Variants in ADSL observed in about 807,000 individuals in gnomAD.
ADSL encodes the protein adenylosuccinate lyase, also known as adenylosuccinase.
Under a neutral mutation model 62.1 loss-of-function variants are expected in ADSL, and 44 were observed. The observed-to-expected ratio is 0.71, with a 90% confidence interval of 0.56 to 0.91. The LOEUF (loss-of-function observed/expected upper bound fraction) is 0.91, where lower values mean the gene tolerates loss of function less well. ADSL is among the 40% of genes least tolerant of loss of function. ADSL has a pLI of 0.00. For missense variants in ADSL, 531 were observed against 627.4 expected (o/e 0.85, Z 1.64); for synonymous variants, 198 against 220.5 (o/e 0.90, Z 0.90).
At chr22:40,359,362 C>T in intron 6 of ADSL, 56 bp downstream of exon 6, 3 of 1,541,450 alleles carry the variant, frequency 1.9e-6, no homozygotes, top group African/African-American at 2.7e-5. Context: ...GTCCTATATT[C>T]AGTATACCTG....
chr22:40,356,506 G>A (rs2044564466), intron 4 of ADSL, among the ~76,000 whole-genome samples: 1 of 150,000 alleles, frequency 6.7e-6, no homozygotes, highest in African/African-American at 2.5e-5. Flanking sequence ...CTGCACTCCA[G>A]CCTGGGCGAC....
chr22:40,354,847 T>A (rs1289330483), intron 4 of ADSL, among the ~76,000 whole-genome samples: 5 of 147,128 alleles, frequency 3.4e-5, no homozygotes, highest in Non-Finnish European at 7.4e-5. Context: ...CCAGTTTGGG[T>A]GACAGAGCAA....
At chr22:40,358,164 G>T (rs1278861842) in intron 4 of ADSL, among the ~76,000 whole-genome samples, 1 of 152,144 alleles carries the variant, frequency 6.6e-6, no homozygotes, top group Non-Finnish European at 1.5e-5. Context: ...ATTCCTTGTT[G>T]TATTTCCAAT....
chr22:40,352,601 C>T lies in ADSL; in HGVS notation c.358-472C>T, dbSNP rs2044392324. ...ATGGAAGCTTCTCAGAAGCTCAAGC[C>T]CTCCTCTCTGGGAAAATAGAAACCT... is the stretch of plus-strand genomic sequence containing the variant. On this transcript the variant is annotated intron_variant, in intron 2 of 12. Coordinates refer to ENST00000623063, the MANE Select transcript of ADSL (RefSeq NM_000026.4). Among the ~76,000 whole-genome samples, 6 of 152,244 alleles carry T rather than the reference C, an allele frequency of 3.9e-5. No individual in the cohort carries two copies. The South Asian group carries it at 1.0e-3, about 26-fold the overall frequency.
chr22:40,373,834 TC>T (rs1249868167), downstream of ADSL, among the ~76,000 whole-genome samples: 2 of 152,200 alleles, frequency 1.3e-5, no homozygotes, highest in African/African-American at 4.8e-5. Context: ...CAGGATGGTC[TC>T]CATCTCTTGA....
intron 2 of ADSL, among the ~76,000 whole-genome samples, chr22:40,381,272 C>T (rs1443306311): frequency 1.3e-5 from 2 of 152,020 alleles, no homozygotes; most frequent in East Asian, 1.9e-4. Context: ...CTGAGCCTCC[C>T]AAGTAGCTGG....
chr22:40,357,678 G>C (rs2044617503), intron 4 of ADSL, among the ~76,000 whole-genome samples: 1 of 152,118 alleles, frequency 6.6e-6, no homozygotes, highest in Non-Finnish European at 1.5e-5. Flanking sequence ...TCCTCACAAA[G>C]GCTTTCCTCT....
intron 4 of ADSL, among the ~76,000 whole-genome samples, chr22:40,356,551 A>G (rs1601574072): frequency 6.6e-6 from 1 of 151,096 alleles, no homozygotes; most frequent in Admixed American, 6.6e-5. Flanking sequence ...AAAAAAAAAA[A>G]GAAAGAAATT....
chr22:40,350,064 AC>A (rs1569087042), intron 2 of ADSL, 29 bp downstream of exon 2: 1 of 1,589,798 alleles, frequency 6.3e-7, no homozygotes, highest in African/African-American at 1.3e-5. Flanking sequence ...TATACTTAAA[AC>A]TCAGTCTCTA....
chr22:40,351,057 C>T (rs1381560787), intron 2 of ADSL, among the ~76,000 whole-genome samples: 1 of 152,094 alleles, frequency 6.6e-6, no homozygotes, highest in Non-Finnish European at 1.5e-5. Context: ...TGCAGTGACA[C>T]GAACATGGCT....
intron 2 of ADSL, chr22:40,350,346 T>TC: frequency 9.4e-6 from 3 of 320,460 alleles, no homozygotes; most frequent in South Asian, 8.6e-5. Context: ...CAGGATGGTC[T>TC]CTATCTCCTG....
intron 10 of ADSL, among the ~76,000 whole-genome samples, chr22:40,363,604 C>T (rs1287846291): frequency 2.6e-5 from 4 of 151,894 alleles, no homozygotes; most frequent in South Asian, 2.1e-4. Flanking sequence ...GGCGTGTTGG[C>T]GGGTGCCTGT....
In ADSL at chr22:40,366,490, G is replaced by C; in HGVS notation, c.1423G>C (p.Val475Leu). ...VYPLLKPYES[V>L]MKVKAELCL ...TCCCCTGTTAAAACCATATGAAAGC[G>C]TGATGAAGGTGAAAGCAGAATTATG... The change falls in exon 13 of 13, where the codon GTG becomes CTG. Residue 475 changes from valine (V) to leucine (L), a missense_variant. Physicochemically the swap from Val to Leu is conservative, Grantham distance 32. This residue lies in a region of ADSL where 471 missense variants were observed against 592.9 expected (regional missense o/e 0.79). Coordinates refer to ENST00000623063, the MANE Select transcript of ADSL (RefSeq NM_000026.4). The C allele has an allele frequency of 6.2e-7, 1 of 1,613,244 alleles. No individual in the cohort carries two copies. The highest frequency in any genetic ancestry group is 2.2e-5 in the East Asian group (1 of 44,866).
chr22:40,355,032 A>T (rs182083226), intron 4 of ADSL, among the ~76,000 whole-genome samples: 1 of 152,326 alleles, frequency 6.6e-6, no homozygotes, highest in East Asian at 1.9e-4. Context: ...TAACAAAGAC[A>T]GTTTATAAAT....
At chr22:40,353,199 A>C (rs888034750) in intron 3 of ADSL, 82 bp downstream of exon 3, 7 of 1,135,570 alleles carry the variant, frequency 6.2e-6, no homozygotes, top group South Asian at 3.7e-5. Context: ...AAATCAACAC[A>C]GTGTAAATTT....
chr22:40,360,772 G>A (rs1049669139), intron 7 of ADSL, among the ~76,000 whole-genome samples: 5 of 151,478 alleles, frequency 3.3e-5, no homozygotes, highest in Admixed American at 6.6e-5. Context: ...GCCCAGGCTG[G>A]AGTGCAATGG....
intron 2 of ADSL, among the ~76,000 whole-genome samples, chr22:40,385,506 T>C (rs2048275133): frequency 6.6e-6 from 1 of 151,956 alleles, no homozygotes; most frequent in Non-Finnish European, 1.5e-5. Flanking sequence ...GAATTTAACG[T>C]AGGAAGGAAG....
intron 9 of ADSL, 118 bp from the exon 10 acceptor site, chr22:40,362,863 T>A (rs2044847006): frequency 1.0e-6 from 1 of 997,960 alleles, no homozygotes; most frequent in African/African-American, 1.6e-5. Context: ...GGGGTAATCA[T>A]AAGATTGAAG....
At chr22:40,348,422 C>T (rs1569085434) in intron 1 of ADSL, 2 of 398,202 alleles carry the variant, frequency 5.0e-6, no homozygotes, top group South Asian at 1.3e-4. Flanking sequence ...CTGGCTCTGT[C>T]GCCTAGGCTG....
Sources: gnomAD v4.1 joint callset for allele counts (sites outside exome capture counted in the v4.1 genomes callset) on GRCh38, gnomAD v4.1.1 for gene constraint, gnomAD v4.1.1 regional missense constraint, MANE v1.5 for transcripts, NCBI Gene and HGNC (gene_info 2026-07-23, HGNC 2026-07-21) for gene names.